The following KMT2A variants were observed in gnomAD, a reference collection of about 807,000 sequenced individuals.
The protein encoded by KMT2A is histone-lysine N-methyltransferase 2A.
In KMT2A, 16 loss-of-function variants were observed where a neutral mutation model predicts 345.3. The observed-to-expected ratio is 0.05, with a 90% CI of 0.03 to 0.07. The LOEUF (loss-of-function observed/expected upper bound fraction) is 0.07. Ranked by LOEUF, KMT2A falls within the 10% of genes least tolerant of loss-of-function variation. The pLI, the probability that KMT2A is intolerant of heterozygous loss-of-function variation, is 1.00. For missense variants in KMT2A, 3,272 were observed against 4,841.6 expected, an observed-to-expected ratio of 0.68 and a Z score of 9.62; for synonymous variants, 1,599 against 1,778.6, an observed-to-expected ratio of 0.90 and a Z score of 2.54.
At chr11:118,469,310 C>T (rs187577786) in intron 2 of KMT2A, among the ~76,000 whole-genome samples, 258 of 152,174 alleles carry the variant, frequency 1.7e-3, no homozygotes, top group African/African-American at 5.3e-3. Flanking sequence ...CAGATTTACA[C>T]ATTTTGTGTT....
At position 118,493,862 on chromosome 11, in the gene KMT2A, C is replaced by A. The variant is rs997348669; in HGVS notation, c.5179-426C>A. On this transcript the variant is annotated intron_variant, in intron 16 of 35. Transcript: ENST00000534358. The surrounding 1 kb of genome is among the most constrained non-coding windows in gnomAD (Gnocchi z 5.8). ...GTAGCTGGGATTACATAAGCATGTG[C>A]CACCATGCCTGGCTAATTTTGTATT... Among the ~76,000 whole-genome samples, 1 of 152,020 alleles carries A rather than the reference C, an allele frequency of 6.6e-6. No homozygotes were observed. Among genetic ancestry groups the A allele is most frequent in the African/African-American group, 2.4e-5 (1 of 41,380 alleles).
rs372478830 is a variant in KMT2A, at chr11:118,505,941, A to T, written c.10049A>T (p.Gln3350Leu). ...TCTGTCTTGAATGTTGTATCCATGC[A>T]AACTACCACAACCCCTACAAGTAGT... ...SSSVLNVVSM[Q>L]TTTTPTSSAS... Residue 3350 changes from glutamine (Q) to leucine (L), a missense_variant, in exon 27 of 36, where the codon CAA (glutamine) becomes CTA (leucine). This residue lies in a region of KMT2A where 748 missense variants were observed against 922.2 expected (regional missense o/e 0.81). Coordinates refer to ENST00000534358, the MANE Select transcript of KMT2A (RefSeq NM_001197104.2). This position sits in a 1 kb window ranked among gnomAD's most constrained non-coding sequence, Gnocchi z 4.6. The T allele has an allele frequency of 3.7e-6, 6 of 1,614,036 alleles. No homozygotes were observed. Among genetic ancestry groups the T allele is most frequent in the Non-Finnish European group, 5.1e-6 (6 of 1,180,050 alleles).
At position 118,509,218 on chromosome 11, in the gene KMT2A, AG is replaced by A; in HGVS notation, c.10900+20del. On this transcript the variant is annotated intron_variant, in intron 29 of 35. Coordinates refer to ENST00000534358, the MANE Select transcript of KMT2A (RefSeq NM_001197104.2). ...AAGTGCAGGTATGTGGGTGGGTAAAAGGTTAGAATCAGAGAATATCAATGCT... is the reference window on the plus strand; with the variant it reads ...AAGTGCAGGTATGTGGGTGGGTAAAAGTTAGAATCAGAGAATATCAATGCT... 1 of 1,599,486 alleles carries A rather than the reference AG, an allele frequency of 6.3e-7. No homozygotes were observed. The highest frequency in any genetic ancestry group is 1.1e-5 in the South Asian group (1 of 90,560).
At chr11:118,437,260 C>T (rs1048298506) in intron 1 of KMT2A, among the ~76,000 whole-genome samples, 2 of 151,844 alleles carry the variant, frequency 1.3e-5, no homozygotes, top group Non-Finnish European at 2.9e-5. Flanking sequence ...CTCCCTTTCA[C>T]AGATTACCTC....
chr11:118,498,423 C>G lies in KMT2A; in HGVS notation c.5856C>G (p.Ser1952=). The part of the protein sequence containing the change: ...PGATVGCCLT[S]CTSNYHFMCS... ...CCACCGTGGGTTGCTGTCTCACATC[C>G]TGCACCAGCAACTATCACTTCATGT... The change falls in exon 22 of 36, where the codon TCC becomes TCG. Residue 1952 remains serine, a synonymous_variant. Transcript: ENST00000534358. The surrounding 1 kb of genome is among the most constrained non-coding windows in gnomAD (Gnocchi z 4.4). The G allele has an allele frequency of 6.2e-7, 1 of 1,613,808 alleles. No individual in the cohort carries two copies.
chr11:118,468,277 G>A (rs1201995375), intron 1 of KMT2A, among the ~76,000 whole-genome samples: 1 of 152,118 alleles, frequency 6.6e-6, no homozygotes, highest in Admixed American at 6.5e-5. Context: ...GTCAATTCCT[G>A]AGTTAAGGAA....
In KMT2A at chr11:118,468,834, G is replaced by A. The variant is rs1949894096; in HGVS notation, c.492G>A (p.Arg164=). 6.2e-7 allele frequency: 1 copy of A among 1,613,164 alleles called. No homozygotes were observed. ...DEEVRVRSPT[R]SPSVKTSPRK... is the part of the protein sequence containing the mutation. Reference sequence around the variant, plus strand: ...AAGTCAGAGTGCGAAGTCCCACAAGGTCTCCTTCAGGTACGGCCAATTAAG... The same window carrying A: ...AAGTCAGAGTGCGAAGTCCCACAAGATCTCCTTCAGGTACGGCCAATTAAG... The change falls in exon 2 of 36, where the codon AGG becomes AGA. Residue 164 remains arginine (R), a synonymous_variant. Transcript: ENST00000534358.
At chr11:118,437,502 A>G (rs1949215392) in intron 1 of KMT2A, among the ~76,000 whole-genome samples, 1 of 148,796 alleles carries the variant, frequency 6.7e-6, no homozygotes, top group Admixed American at 6.7e-5. Flanking sequence ...CCAGGTCCCT[A>G]TACTGCCAGC....
Position 118,473,356 on chromosome 11 carries a change from A to G in KMT2A, c.2197A>G (p.Asn733Asp). 6.2e-7 allele frequency: 1 copy of G among 1,614,034 alleles called. No individual in the cohort carries two copies. Among genetic ancestry groups the G allele is most frequent in the Non-Finnish European group, 8.5e-7 (1 of 1,179,974 alleles). The change falls in exon 3 of 36, where the codon AAT becomes GAT. Residue 733 changes from asparagine (N) to aspartate (D), a missense_variant. By Grantham distance (23) the Asn-to-Asp change is conservative (BLOSUM62 1). Transcript: ENST00000534358. This position sits in a 1 kb window ranked among gnomAD's most constrained non-coding sequence, Gnocchi z 5.2. Reference sequence around the variant, plus strand: ...TGGAACATCTTCTTCAGGAGTATCCAATAGAAAAAGGAAAAGAAAAGTGTT... The same window carrying G: ...TGGAACATCTTCTTCAGGAGTATCCGATAGAAAAAGGAAAAGAAAAGTGTT... ...SAGTSSSGVSNRKRKRKVFSP... is the reference protein window; with the variant it reads ...SAGTSSSGVSDRKRKRKVFSP...
At chr11:118,507,738 G>A (rs1396262658) in intron 28 of KMT2A, 129 bp downstream of exon 28, 3 of 688,360 alleles carry the variant, frequency 4.4e-6, no homozygotes, top group Non-Finnish European at 7.7e-6. Flanking sequence ...GCCGAGGCAG[G>A]TGGATCACGA....
rs1473902118 is a variant in KMT2A at position 118,521,230 on chromosome 11, A to G, written c.11514-58A>G. 1.3e-6 allele frequency: 2 copies of G among 1,576,772 alleles called. No individual in the cohort carries two copies. The highest frequency in any genetic ancestry group is 1.7e-6 in the Non-Finnish European group (2 of 1,150,576). The stretch of plus-strand genomic sequence containing the variant: ...ACCAGGAGAACTTATTCATGTATTC[A>G]CGCACTTAACCTTACTTGCAAAATT... On this transcript the variant is annotated intron_variant, in intron 34 of 35. Coordinates refer to ENST00000534358, the MANE Select transcript of KMT2A (RefSeq NM_001197104.2). The surrounding 1 kb of genome is among the most constrained non-coding windows in gnomAD (Gnocchi z 5.3).
intron 12 of KMT2A, 103 bp downstream of exon 12, chr11:118,489,990 C>A: frequency 1.4e-6 from 2 of 1,418,954 alleles, no homozygotes; most frequent in Non-Finnish European, 9.8e-7. Flanking sequence ...GTCAGTATGA[C>A]AATCTTTTTG....
At chr11:118,489,248 A>AC (rs1315674470) in intron 11 of KMT2A, among the ~76,000 whole-genome samples, 1 of 151,286 alleles carries the variant, frequency 6.6e-6, no homozygotes, top group Non-Finnish European at 1.5e-5. Flanking sequence ...AAAAAAAAAA[A>AC]AAAACTATAT....
rs1555046685 is a variant in KMT2A at position 118,503,454 on chromosome 11, G to A, written c.7562G>A (p.Arg2521His). The change falls in exon 27 of 36, where the codon CGC (arginine) becomes CAC (histidine). Residue 2521 changes from arginine (R) to histidine (H), a missense_variant. Physicochemically the swap from Arg to His is conservative, Grantham distance 29. This residue lies in a region of KMT2A where 445 missense variants were observed against 500.9 expected (regional missense o/e 0.89). Transcript: ENST00000534358. The surrounding 1 kb of genome is among the most constrained non-coding windows in gnomAD (Gnocchi z 5.3). Reference protein sequence around the residue: ...SAKELQAPRKRTVKVTLTPLK... With the variant: ...SAKELQAPRKHTVKVTLTPLK... Reference sequence around the variant, plus strand: ...AAGGAATTACAGGCACCACGGAAACGCACAGTCAAAGTGACACTGACACCT... The same window carrying A: ...AAGGAATTACAGGCACCACGGAAACACACAGTCAAAGTGACACTGACACCT... 21 of 1,613,922 alleles carry A rather than the reference G, an allele frequency of 1.3e-5. No individual in the cohort carries two copies. The highest frequency in any genetic ancestry group is 5.0e-5 in the Admixed American group (3 of 59,996).
rs782574080 is a variant in KMT2A at position 118,520,122 on chromosome 11, C to T, written c.11429+58C>T. 3.0e-5 allele frequency: 33 copies of T among 1,098,998 alleles called. No individual in the cohort carries two copies. The highest frequency in any genetic ancestry group is 3.8e-5 in the Non-Finnish European group (28 of 732,844). 68.1% of individuals were successfully genotyped at this position (1,098,998 alleles called of 1,614,324 possible). Reference sequence around the variant, plus strand: ...CTGCTTTCCCTCTCCTCCAGCTGGTCAGGGCACTACGTAGGAATTTGTTTG... The same window carrying T: ...CTGCTTTCCCTCTCCTCCAGCTGGTTAGGGCACTACGTAGGAATTTGTTTG... On this transcript the variant is annotated intron_variant, in intron 33 of 35. Coordinates refer to ENST00000534358, the MANE Select transcript of KMT2A (RefSeq NM_001197104.2). The surrounding 1 kb of genome is among the most constrained non-coding windows in gnomAD (Gnocchi z 4.3).
At chr11:118,479,246 T>G (rs1464690164) in intron 5 of KMT2A, among the ~76,000 whole-genome samples, 1 of 152,240 alleles carries the variant, frequency 6.6e-6, no homozygotes, top group Non-Finnish European at 1.5e-5. Flanking sequence ...TATGGAATTT[T>G]TTATGTGGAA....
chr11:118,438,082 G>A (rs1208196081), intron 1 of KMT2A, among the ~76,000 whole-genome samples: 1 of 152,150 alleles, frequency 6.6e-6, no homozygotes, highest in Admixed American at 6.5e-5. Context: ...GCTTGGAAGG[G>A]GTGGGGGAAG....
At chr11:118,519,869 C>A in intron 32 of KMT2A, 77 bp downstream of exon 32, 2 of 1,557,226 alleles carry the variant, frequency 1.3e-6, no homozygotes, top group South Asian at 2.2e-5. Context: ...TTCCCACATA[C>A]CCTTTGAGAT....
chr11:118,445,548 G>T (rs1393835549), intron 1 of KMT2A, among the ~76,000 whole-genome samples: 3 of 152,258 alleles, frequency 2.0e-5, no homozygotes, highest in Admixed American at 6.5e-5. Flanking sequence ...TGAGGAGAAT[G>T]AGTGCTGGTC....
Sources: gnomAD v4.1 joint callset for allele counts (sites outside exome capture counted in the v4.1 genomes callset) on GRCh38, gnomAD v4.1.1 for gene constraint, gnomAD v4.1.1 regional missense constraint, Gnocchi (gnomAD v3.1) non-coding constraint, MANE v1.5 for transcripts, NCBI Gene and HGNC (gene_info 2026-07-23, HGNC 2026-07-21) for gene names.